SYNPR: variants seen among roughly 807,000 people sequenced by gnomAD.
The protein encoded by SYNPR is synaptoporin.
A neutral mutation model predicts 32.9 loss-of-function variants in SYNPR; 23 were observed. That is an observed-to-expected ratio of 0.70 (90% CI 0.50 to 0.99). The LOEUF is 0.99. Among genes scored for constraint, SYNPR ranks in the 50% least tolerant of loss-of-function variants. The pLI is 0.00. For missense variants in SYNPR, 318 were observed against 349.3 expected, an observed-to-expected ratio of 0.91 and a Z score of 0.71; for synonymous variants, 146 against 135.9, an observed-to-expected ratio of 1.07 and a Z score of -0.52.
chr3:63,555,774 C>T (rs1702585787), intron 3 of SYNPR, among the ~76,000 whole-genome samples: 1 of 151,916 alleles, frequency 6.6e-6, no homozygotes, highest in Non-Finnish European at 1.5e-5. Flanking sequence ...AAAAGAAAAC[C>T]AAGATTCCCA....
chr3:63,247,491 G>A (rs2086301258), intron 1 of SYNPR, among the ~76,000 whole-genome samples: 1 of 152,050 alleles, frequency 6.6e-6, no homozygotes, highest in African/African-American at 2.4e-5. Context: ...GAATTATGAA[G>A]CATAAAGTTC....
intron 2 of SYNPR, among the ~76,000 whole-genome samples, chr3:63,453,314 G>A (rs564340713): frequency 4.1e-4 from 63 of 152,244 alleles, no homozygotes; most frequent in Non-Finnish European, 7.5e-4. Context: ...AGAGCCTGGG[G>A]AGGAAGATTC....
At chr3:63,241,788 T>C (rs544370136) in intron 1 of SYNPR, among the ~76,000 whole-genome samples, 1 of 152,228 alleles carries the variant, frequency 6.6e-6, no homozygotes, top group East Asian at 1.9e-4. Flanking sequence ...TTTATCTTTT[T>C]TATTTTTAAG....
chr3:63,589,294 G>C (rs1036107842), intron 4 of SYNPR, among the ~76,000 whole-genome samples: 11 of 151,988 alleles, frequency 7.2e-5, no homozygotes, highest in Non-Finnish European at 1.6e-4. Flanking sequence ...AAAACACCAA[G>C]GACTTTTCCT....
At chr3:63,434,846 A>G (rs1575642056) in intron 2 of SYNPR, among the ~76,000 whole-genome samples, 1 of 152,216 alleles carries the variant, frequency 6.6e-6, no homozygotes, top group East Asian at 1.9e-4. Context: ...GAAAATAGGC[A>G]TCATAAAAGT....
intron 4 of SYNPR, among the ~76,000 whole-genome samples, chr3:63,558,990 A>G (rs1046537864): frequency 6.6e-6 from 1 of 152,062 alleles, no homozygotes; most frequent in Non-Finnish European, 1.5e-5. Context: ...TCTGTTCATT[A>G]TAACAGAATA....
At chr3:63,468,162 C>A (rs1158722164) in intron 2 of SYNPR, among the ~76,000 whole-genome samples, 2 of 146,406 alleles carry the variant, frequency 1.4e-5, no homozygotes, top group African/African-American at 5.1e-5. Context: ...CCGTTGCACT[C>A]CAGCCTGGGC....
At chr3:63,569,511 TC>T (rs1380707754) in intron 4 of SYNPR, among the ~76,000 whole-genome samples, 1 of 152,214 alleles carries the variant, frequency 6.6e-6, no homozygotes, top group Non-Finnish European at 1.5e-5. Flanking sequence ...AATAACTTGT[TC>T]TAAGGAGCCT....
chr3:63,253,951 A>C (rs1189454001), intron 2 of SYNPR, among the ~76,000 whole-genome samples: 1 of 152,252 alleles, frequency 6.6e-6, no homozygotes, highest in Non-Finnish European at 1.5e-5. Context: ...GATTAAGAAA[A>C]TGTGGCACAT....
intron 2 of SYNPR, among the ~76,000 whole-genome samples, chr3:63,402,087 A>G (rs2088300276): frequency 6.6e-6 from 1 of 152,180 alleles, no homozygotes; most frequent in South Asian, 2.1e-4. Context: ...AATGAAGAGC[A>G]ATGTTGCAGA....
rs1230021699 is a variant in SYNPR at position 63,616,893 on chromosome 3, A to G, written c.*1412A>G. On this transcript the variant is annotated 3_prime_UTR_variant, in exon 6 of 6. Coordinates refer to ENST00000478300, the MANE Select transcript of SYNPR (RefSeq NM_001130003.2). ...TGGATAAAACTGTATTGTGATATCT[A>G]TTTGATGTTAATAAAGTTATTGCAT... is the stretch of plus-strand genomic sequence containing the variant. 3.3e-5 allele frequency: 5 copies of G among 152,194 alleles called. No individual in the cohort carries two copies. The highest frequency in any genetic ancestry group is 4.8e-5 in the African/African-American group (2 of 41,442). The allele number at this position is 152,194 out of a possible 1,614,324, so 9.4% of individuals were successfully genotyped here.
intron 2 of SYNPR, among the ~76,000 whole-genome samples, chr3:63,284,624 G>A (rs780270314): frequency 1.3e-5 from 2 of 152,154 alleles, no homozygotes; most frequent in Non-Finnish European, 2.9e-5. Context: ...GGAGACACTA[G>A]CATTTATATA....
chr3:63,218,588 T>C, the SYNPR span, among the ~76,000 whole-genome samples: 1 of 152,230 alleles, frequency 6.6e-6, no homozygotes, highest in Non-Finnish European at 1.5e-5. Context: ...TAAAGTGAAA[T>C]ACCTGTAAAC....
intron 2 of SYNPR, among the ~76,000 whole-genome samples, chr3:63,430,847 A>G (rs1238679348): frequency 6.6e-6 from 1 of 152,204 alleles, no homozygotes; most frequent in Non-Finnish European, 1.5e-5. Context: ...GACACAAGTA[A>G]AGTGTCACAG....
At chr3:63,587,939 T>C (rs1703220185) in intron 4 of SYNPR, among the ~76,000 whole-genome samples, 3 of 152,060 alleles carry the variant, frequency 2.0e-5, no homozygotes, top group Admixed American at 2.0e-4. Context: ...TTTCCCAGTG[T>C]GGTTGTTTGA....
At position 63,540,195 on chromosome 3, in the gene SYNPR, T is replaced by G. The variant is rs559552365; in HGVS notation, c.210-16348T>G. Among the ~76,000 whole-genome samples, 19 of 152,292 alleles carry G rather than the reference T, an allele frequency of 1.2e-4. No individual in the cohort carries two copies. The South Asian group carries it at 3.5e-3, about 28-fold the overall frequency. On this transcript the variant is annotated intron_variant, in intron 3 of 5. Transcript: ENST00000478300. ...ATTTTATTCCTTATGAAGTAGGTCA[T>G]GTTATTATCACCTTATGAAGTAGGT...
intron 2 of SYNPR, among the ~76,000 whole-genome samples, chr3:63,453,411 G>A (rs905039729): frequency 1.3e-5 from 2 of 152,058 alleles, no homozygotes; most frequent in Non-Finnish European, 2.9e-5. Context: ...ATCATCTGGG[G>A]AGTTTATTAA....
intron 4 of SYNPR, among the ~76,000 whole-genome samples, chr3:63,568,154 T>C (rs1702824288): frequency 6.6e-6 from 1 of 152,212 alleles, no homozygotes; most frequent in Admixed American, 6.5e-5. Context: ...TGCCACTTAC[T>C]CCACAGGCCA....
rs12631553 is a variant in SYNPR at position 63,515,468 on chromosome 3, T to C, written c.209+34512T>C. ...GAAGCCTCACATCACCCTAATCAGCTACTTCTCTCTTATTCTTTTTCTCCC... is the reference window on the plus strand; with the variant it reads ...GAAGCCTCACATCACCCTAATCAGCCACTTCTCTCTTATTCTTTTTCTCCC... On this transcript the variant is annotated intron_variant, in intron 3 of 5. Transcript: ENST00000478300. 9.5e-3 allele frequency among the ~76,000 whole-genome samples: 1,448 copies of C among 152,274 alleles called. 26 individuals are homozygous for C. Among genetic ancestry groups the C allele is most frequent in the East Asian group, 0.062 (321 of 5,166 alleles).
Sources: gnomAD v4.1 joint callset for allele counts (sites outside exome capture counted in the v4.1 genomes callset) on GRCh38, gnomAD v4.1.1 for gene constraint, MANE v1.5 for transcripts, NCBI Gene and HGNC (gene_info 2026-07-23, HGNC 2026-07-21) for gene names.